ATRNL1: variants seen among roughly 807,000 people sequenced by gnomAD.
ATRNL1 encodes attractin-like protein 1.
Under a neutral mutation model 182.7 loss-of-function variants are expected in ATRNL1, and 95 were observed. The observed-to-expected ratio is 0.52, with a 90% CI of 0.44 to 0.62. ATRNL1 has a LOEUF of 0.62. ATRNL1 is among the 20% of genes least tolerant of loss of function. ATRNL1 has a pLI of 0.00. For synonymous variants in ATRNL1, 576 were observed against 568.3 expected, an observed-to-expected ratio of 1.01 and a Z score of -0.19; for missense variants, 1,471 against 1,679.5, an observed-to-expected ratio of 0.88 and a Z score of 2.17.
intron 26 of ATRNL1, among the ~76,000 whole-genome samples, chr10:115,559,328 CATCTAGCACCCAGATCTTGTTTTCTAAT>C (rs1331012443): frequency 1.3e-5 from 2 of 152,166 alleles, no homozygotes; most frequent in East Asian, 3.9e-4. Flanking sequence ...GCAACAAGCA[CATCTAGCACCCAGATCTTGTTTTCTAAT>C]ATTAGAGAAC....
At chr10:115,441,029 G>T (rs1392556939) in intron 21 of ATRNL1, among the ~76,000 whole-genome samples, 1 of 151,402 alleles carries the variant, frequency 6.6e-6, no homozygotes, top group Non-Finnish European at 1.5e-5. Context: ...AAACTTTTTT[G>T]CACCTATACT....
At chr10:115,315,485 G>A in intron 17 of ATRNL1, 33 bp from the exon 18 acceptor site, 1 of 1,449,408 alleles carries the variant, frequency 6.9e-7, no homozygotes, top group Non-Finnish European at 9.6e-7. Context: ...ATATAGTCAT[G>A]TTAACATATT....
At chr10:115,282,050 T>A (rs1852386759) in intron 14 of ATRNL1, among the ~76,000 whole-genome samples, 1 of 132,308 alleles carries the variant, frequency 7.6e-6, no homozygotes, top group African/African-American at 2.9e-5. Flanking sequence ...AATATATTAC[T>A]TATATAATAT....
intron 28 of ATRNL1, among the ~76,000 whole-genome samples, chr10:115,925,922 T>G (rs782411439): frequency 2.6e-5 from 4 of 152,216 alleles, no homozygotes; most frequent in Non-Finnish European, 5.9e-5. Context: ...CTAATAGACA[T>G]CTACAGAACT....
intron 27 of ATRNL1, among the ~76,000 whole-genome samples, chr10:115,803,290 G>C (rs1949841439): frequency 6.6e-6 from 1 of 151,826 alleles, no homozygotes; most frequent in African/African-American, 2.4e-5. Flanking sequence ...TAAAATTTAT[G>C]TTAATATTTT....
rs545091038 is a variant in ATRNL1 at position 115,272,759 on chromosome 10, T to C, written c.2100+4315T>C. On this transcript the variant is annotated intron_variant, in intron 13 of 28. Coordinates refer to ENST00000355044, the MANE Select transcript of ATRNL1 (RefSeq NM_207303.4). ...CTACGTAGCTGGCACTGTAACTGAA[T>C]CATCAAAAGCCCATTCCACTGTTTT... is the stretch of plus-strand genomic sequence containing the variant. Among the ~76,000 whole-genome samples the C allele has an allele frequency of 6.9e-4, 105 of 152,266 alleles. 2 individuals are homozygous for C. In the South Asian group the frequency reaches 0.021, roughly 31 times the overall value.
intron 8 of ATRNL1, among the ~76,000 whole-genome samples, chr10:115,179,783 C>T (rs782621025): frequency 1.5e-3 from 227 of 151,888 alleles, no homozygotes; most frequent in Non-Finnish European, 2.2e-3. Flanking sequence ...GGAATTAGGT[C>T]CTTCAGTCCA....
At position 115,668,997 on chromosome 10, in the gene ATRNL1, G is replaced by A. The variant is rs145659059; in HGVS notation, c.3796-58251G>A. ...TATAGAACTAGATCCAGAAAAAAAT[G>A]CTTCGTATTGTAGAAGGAAGAGAGC... On this transcript the variant is annotated intron_variant, in intron 26 of 28. Coordinates refer to ENST00000355044, the MANE Select transcript of ATRNL1 (RefSeq NM_207303.4). Among the ~76,000 whole-genome samples the A allele has an allele frequency of 1.8e-3, 277 of 152,134 alleles. 1 individual carries two copies. The highest frequency in any genetic ancestry group is 6.8e-3 in the Middle Eastern group (2 of 294).
intron 27 of ATRNL1, among the ~76,000 whole-genome samples, chr10:115,733,753 A>C (rs1363534211): frequency 6.6e-6 from 1 of 152,092 alleles, no homozygotes; most frequent in Non-Finnish European, 1.5e-5. Flanking sequence ...TTTTTCTTAT[A>C]GCTGATTTGT....
chr10:115,593,843 A>G (rs1311310543), intron 26 of ATRNL1, among the ~76,000 whole-genome samples: 1 of 152,090 alleles, frequency 6.6e-6, no homozygotes, highest in Non-Finnish European at 1.5e-5. Flanking sequence ...TACACTTATT[A>G]TCATTATCCT....
chr10:115,202,477 C>T (rs1388011347), intron 8 of ATRNL1, among the ~76,000 whole-genome samples: 1 of 152,144 alleles, frequency 6.6e-6, no homozygotes, highest in East Asian at 1.9e-4. Context: ...TTTTCTGCAT[C>T]TATTGAGATA....
At chr10:115,755,736 A>C (rs1485308369) in intron 27 of ATRNL1, among the ~76,000 whole-genome samples, 2 of 152,158 alleles carry the variant, frequency 1.3e-5, no homozygotes, top group Non-Finnish European at 2.9e-5. Context: ...ATAGTTTCAA[A>C]AGGAATGGTA....
chr10:115,698,213 T>A (rs1291740795), intron 26 of ATRNL1, among the ~76,000 whole-genome samples: 1 of 152,096 alleles, frequency 6.6e-6, no homozygotes, highest in African/African-American at 2.4e-5. Flanking sequence ...GGCTACTAAT[T>A]TAATGCTCAT....
At chr10:115,619,671 T>C (rs1841054799) in intron 26 of ATRNL1, among the ~76,000 whole-genome samples, 1 of 152,270 alleles carries the variant, frequency 6.6e-6, no homozygotes, top group Non-Finnish European at 1.5e-5. Context: ...CAGTATCTTA[T>C]CTCATTTGGA....
rs1443465769 is a variant in ATRNL1, at chr10:115,411,303, T to A, written c.3270-14947T>A. Among the ~76,000 whole-genome samples, 3 of 151,250 alleles carry A rather than the reference T, an allele frequency of 2.0e-5. No individual in the cohort carries two copies. The East Asian group carries it at 5.8e-4, about 29-fold the overall frequency. On this transcript the variant is annotated intron_variant, in intron 20 of 28. Transcript: ENST00000355044. The stretch of plus-strand genomic sequence containing the variant: ...AAATTTAAAATTTTAATTTAAACAT[T>A]TAAATTAAAAATACTTTAAAACTTA...
At chr10:115,282,222 A>G (rs1554917154) in intron 14 of ATRNL1, among the ~76,000 whole-genome samples, 1 of 147,316 alleles carries the variant, frequency 6.8e-6, no homozygotes, top group Non-Finnish European at 1.5e-5. Context: ...TATATAATAT[A>G]ATTTTATAAT....
intron 26 of ATRNL1, among the ~76,000 whole-genome samples, chr10:115,717,432 G>A (rs12246558): frequency 0.01 from 1,528 of 151,896 alleles, 25 homozygotes; most frequent in African/African-American, 0.035. Context: ...TGGCCAGTCT[G>A]CCCTTCACCA....
chr10:115,340,617 T>C (rs1855709832), intron 19 of ATRNL1, among the ~76,000 whole-genome samples: 1 of 151,804 alleles, frequency 6.6e-6, no homozygotes, highest in Non-Finnish European at 1.5e-5. Flanking sequence ...AGTTCTGCTT[T>C]AAATGTTTGG....
chr10:115,767,700 A>G (rs574540151), intron 27 of ATRNL1, among the ~76,000 whole-genome samples: 2 of 152,142 alleles, frequency 1.3e-5, no homozygotes, highest in Admixed American at 6.5e-5. Context: ...CAAGACGTCT[A>G]TCATCCCTAT....
Sources: gnomAD v4.1 joint callset for allele counts (sites outside exome capture counted in the v4.1 genomes callset) on GRCh38, gnomAD v4.1.1 for gene constraint, MANE v1.5 for transcripts, NCBI Gene and HGNC (gene_info 2026-07-23, HGNC 2026-07-21) for gene names.